The following ERG variants were observed in gnomAD, a reference collection of about 807,000 sequenced individuals.
ERG encodes the protein ETS transcription factor ERG, also known as transcriptional regulator ERG.
A neutral mutation model predicts 55.3 loss-of-function variants in ERG; 9 were observed. The observed-to-expected ratio is 0.16, with a 90% CI of 0.10 to 0.28. The LOEUF is 0.28. Ranked by LOEUF, ERG falls within the 10% of genes least tolerant of loss-of-function variation. The pLI is 1.00. For missense variants in ERG, 434 were observed against 631.6 expected (o/e 0.69, Z 3.35); for synonymous variants, 223 against 237.3 (o/e 0.94, Z 0.55).
intron 3 of ERG, among the ~76,000 whole-genome samples, chr21:38,414,828 T>A (rs1039084629): frequency 6.6e-6 from 1 of 151,890 alleles, no homozygotes; most frequent in African/African-American, 2.4e-5. Context: ...CATTTTTTTT[T>A]TGTATATTCA....
chr21:38,383,663 C>T lies in ERG; in HGVS notation c.1180G>A (p.Gly394Arg), dbSNP rs2146412012. Residue 394 changes from glycine to arginine, a missense_variant, in exon 10 of 10, where the codon GGG (glycine) becomes AGG (arginine). Transcript: ENST00000288319. This position sits in a 1 kb window ranked among gnomAD's most constrained non-coding sequence, Gnocchi z 5.7. ...KRYAYKFDFH[G>R]IAQALQPHPP... is the part of the protein sequence containing the mutation. ...TGGGGCTGGAGGGCCTGGGCGATCCCGTGGAAGTCGAACTTGTAGGCGTAG... is the reference window on the plus strand; with the variant it reads ...TGGGGCTGGAGGGCCTGGGCGATCCTGTGGAAGTCGAACTTGTAGGCGTAG... The T allele has an allele frequency of 1.9e-6, 3 of 1,614,122 alleles. No individual in the cohort carries two copies. Among genetic ancestry groups the T allele is most frequent in the Non-Finnish European group, 2.5e-6 (3 of 1,180,032 alleles).
intron 4 of ERG, among the ~76,000 whole-genome samples, chr21:38,403,047 G>A (rs550465192): frequency 6.6e-6 from 1 of 152,330 alleles, no homozygotes; most frequent in Non-Finnish European, 1.5e-5. Flanking sequence ...ATGATACAAA[G>A]TGAAAACTTC....
chr21:38,557,291 T>C (rs2146828582), intron 2 of ERG, among the ~76,000 whole-genome samples: 1 of 152,320 alleles, frequency 6.6e-6, no homozygotes, highest in Admixed American at 6.5e-5. Flanking sequence ...TCCTGAAAAG[T>C]TTATTTAAAG....
At chr21:38,607,563 G>A (rs985977043) in intron 1 of ERG, among the ~76,000 whole-genome samples, 3 of 152,080 alleles carry the variant, frequency 2.0e-5, no homozygotes, top group Admixed American at 1.3e-4. Flanking sequence ...GAACCCGGGA[G>A]GCTGAGCTTG....
At chr21:38,556,495 C>T (rs892829991) in intron 2 of ERG, among the ~76,000 whole-genome samples, 4 of 152,114 alleles carry the variant, frequency 2.6e-5, no homozygotes, top group Non-Finnish European at 5.9e-5. Context: ...TTTCTGCAGC[C>T]TTTTGTGGAT....
At chr21:38,540,930 C>G (rs1274980764) in intron 2 of ERG, among the ~76,000 whole-genome samples, 1 of 152,168 alleles carries the variant, frequency 6.6e-6, no homozygotes, top group Non-Finnish European at 1.5e-5. Context: ...CAGAATCCAT[C>G]AGGAAAGCTT....
chr21:38,516,530 C>T (rs1301734223), intron 2 of ERG, among the ~76,000 whole-genome samples: 1 of 151,940 alleles, frequency 6.6e-6, no homozygotes, highest in East Asian at 1.9e-4. Flanking sequence ...ATTAAAATGA[C>T]CACACCACCC....
At chr21:38,620,324 C>A (rs466907) in intron 1 of ERG, among the ~76,000 whole-genome samples, 152,290 of 152,290 alleles carry the variant, frequency 1, 76,145 homozygotes, top group Non-Finnish European at 1. Flanking sequence ...TCACATCTCC[C>A]AGGACGTAAA....
At chr21:38,490,632 C>G (rs2059327511) in intron 1 of ERG, among the ~76,000 whole-genome samples, 1 of 152,202 alleles carries the variant, frequency 6.6e-6, no homozygotes, top group South Asian at 2.1e-4. Flanking sequence ...GTTAGCTCCC[C>G]CTGCGTCCTG....
chr21:38,607,890 A>T (rs1172551455), intron 1 of ERG, among the ~76,000 whole-genome samples: 1 of 146,878 alleles, frequency 6.8e-6, no homozygotes, highest in Non-Finnish European at 1.5e-5. Flanking sequence ...GAAAGTGGGT[A>T]GAAACAATGC....
chr21:38,380,286 C>T lies in ERG; in HGVS notation c.*3117G>A, dbSNP rs978477989. Reference sequence around the variant, plus strand: ...GAGGGCAGCTCCTCCGGCTCCTGCTCCTGGGTTGCAGGTGCCACATCTGTG... The same window carrying T: ...GAGGGCAGCTCCTCCGGCTCCTGCTTCTGGGTTGCAGGTGCCACATCTGTG... On this transcript the variant is annotated 3_prime_UTR_variant, in exon 10 of 10. Coordinates refer to ENST00000288319, the MANE Select transcript of ERG (RefSeq NM_182918.4). The T allele has an allele frequency of 1.1e-4, 114 of 1,056,650 alleles. No homozygotes were observed. The highest frequency in any genetic ancestry group is 4.2e-4 in the East Asian group (8 of 19,132). The allele number at this position is 1,056,650 out of a possible 1,614,324, so 65.5% of individuals were successfully genotyped here.
chr21:38,638,484 C>A (rs935491566), intron 1 of ERG, among the ~76,000 whole-genome samples: 3 of 152,326 alleles, frequency 2.0e-5, no homozygotes, highest in Middle Eastern at 3.4e-3. Context: ...GCAGATTGAA[C>A]TTGTGGGCTT....
chr21:38,612,105 G>A (rs1331688642), intron 1 of ERG, among the ~76,000 whole-genome samples: 1 of 152,150 alleles, frequency 6.6e-6, no homozygotes, highest in Non-Finnish European at 1.5e-5. Flanking sequence ...AGCAAATGTC[G>A]GCCAAGTGAA....
At chr21:38,547,535 A>G (rs967544641) in intron 2 of ERG, among the ~76,000 whole-genome samples, 1 of 152,210 alleles carries the variant, frequency 6.6e-6, no homozygotes, top group Non-Finnish European at 1.5e-5. Context: ...GAAAAGATGA[A>G]CAGTGACCTG....
At chr21:38,637,443 C>T (rs888023744) in intron 1 of ERG, among the ~76,000 whole-genome samples, 5 of 152,132 alleles carry the variant, frequency 3.3e-5, no homozygotes, top group Non-Finnish European at 7.4e-5. Flanking sequence ...AATGAGTGAT[C>T]ACGTTGGAAT....
intron 1 of ERG, among the ~76,000 whole-genome samples, chr21:38,484,279 T>C (rs74276531): frequency 6.6e-6 from 1 of 152,112 alleles, no homozygotes; most frequent in Non-Finnish European, 1.5e-5. Flanking sequence ...TTCTATAGAT[T>C]CTTAATCATG....
upstream of ERG, chr21:38,584,921 G>A (rs531811647): frequency 1.2e-4 from 18 of 152,060 alleles, no homozygotes; most frequent in East Asian, 7.7e-4. Context: ...GGCTTTCCTC[G>A]GGTCTCCAAA....
Position 38,458,057 on chromosome 21 carries a change from C to T in ERG, c.19-12436G>A, listed in dbSNP as rs143872307. Among the ~76,000 whole-genome samples, 35 of 152,334 alleles carry T rather than the reference C, an allele frequency of 2.3e-4. No homozygotes were observed. The East Asian group carries it at 6.2e-3, about 27-fold the overall frequency. On this transcript the variant is annotated intron_variant, in intron 1 of 9. Coordinates refer to ENST00000288319, the MANE Select transcript of ERG (RefSeq NM_182918.4). ...GGAAGTTGGGAAACCACTTCTGCCACTGCTGAATCTGAAGCCTTAAGCTCC... is the reference window on the plus strand; with the variant it reads ...GGAAGTTGGGAAACCACTTCTGCCATTGCTGAATCTGAAGCCTTAAGCTCC...
In ERG at chr21:38,403,494, G is replaced by A. The variant is rs1240055510; in HGVS notation, c.592+12C>T. 3 of 1,613,172 alleles carry A rather than the reference G, an allele frequency of 1.9e-6. No individual in the cohort carries two copies. Among genetic ancestry groups the A allele is most frequent in the Admixed American group, 1.7e-5 (1 of 60,024 alleles). On this transcript the variant is annotated intron_variant, in intron 4 of 9. Coordinates refer to ENST00000288319, the MANE Select transcript of ERG (RefSeq NM_182918.4). ...CCACAGCCATCTATCCTTGGAGGAAGGGGGAGCTTACTCTCTCTGAGGTAG... is the reference window on the plus strand; with the variant it reads ...CCACAGCCATCTATCCTTGGAGGAAAGGGGAGCTTACTCTCTCTGAGGTAG...
Sources: gnomAD v4.1 joint callset for allele counts (sites outside exome capture counted in the v4.1 genomes callset) on GRCh38, gnomAD v4.1.1 for gene constraint, Gnocchi (gnomAD v3.1) non-coding constraint, MANE v1.5 for transcripts, NCBI Gene and HGNC (gene_info 2026-07-23, HGNC 2026-07-21) for gene names.